WDFY4: variants seen among roughly 807,000 people sequenced by gnomAD.
WDFY4 encodes the protein WD repeat- and FYVE domain-containing protein 4.
A neutral mutation model predicts 351.9 loss-of-function variants in WDFY4; 169 were observed. The ratio of observed to expected loss-of-function variants is 0.48; its 90% CI spans 0.42 to 0.55. The LOEUF is 0.55. WDFY4 is among the 20% of genes least tolerant of loss of function. The pLI, the probability that WDFY4 is intolerant of heterozygous loss-of-function variation, is 0.00. For synonymous variants in WDFY4, 1,622 were observed against 1,574.6 expected (o/e 1.03, Z -0.71); for missense variants, 3,803 against 3,935.6 (o/e 0.97, Z 0.90).
At chr10:48,903,648 A>C (rs573501173) in intron 47 of WDFY4, among the ~76,000 whole-genome samples, 2 of 152,300 alleles carry the variant, frequency 1.3e-5, no homozygotes, top group East Asian at 3.9e-4. Flanking sequence ...TTAAATGAGG[A>C]TGATCAGAGA....
chr10:48,718,930 G>T (rs2063991729), intron 2 of WDFY4, among the ~76,000 whole-genome samples: 1 of 152,184 alleles, frequency 6.6e-6, no homozygotes, highest in Non-Finnish European at 1.5e-5. Flanking sequence ...GGAAAAGTCT[G>T]CAGAAAAAGG....
intron 36 of WDFY4, 98 bp downstream of exon 36, chr10:48,827,007 G>C: frequency 1.0e-6 from 1 of 987,112 alleles, no homozygotes; most frequent in South Asian, 1.7e-5. Flanking sequence ...CTGTATAAAT[G>C]ATATCATCCT....
At chr10:48,863,411 C>T (rs1430718319) in intron 39 of WDFY4, among the ~76,000 whole-genome samples, 5 of 152,034 alleles carry the variant, frequency 3.3e-5, no homozygotes, top group Non-Finnish European at 7.4e-5. Flanking sequence ...TATCATTGAT[C>T]TCATTGTGAG....
chr10:48,870,865 T>C (rs909754395), intron 40 of WDFY4, among the ~76,000 whole-genome samples: 37 of 152,174 alleles, frequency 2.4e-4, no homozygotes, highest in Admixed American at 1.3e-4. Context: ...AGGCAACATG[T>C]GTGCTCTGTG....
At chr10:48,793,627 G>C (rs1421350206) in intron 23 of WDFY4, among the ~76,000 whole-genome samples, 1 of 152,052 alleles carries the variant, frequency 6.6e-6, no homozygotes, top group Non-Finnish European at 1.5e-5. Context: ...CTTCCGTATT[G>C]CCACGTTTGT....
At chr10:48,809,798 T>TCTTCTCTTCACTCCTAGTCCAGTGCTCA (rs1176869796) in intron 28 of WDFY4, among the ~76,000 whole-genome samples, 4 of 152,258 alleles carry the variant, frequency 2.6e-5, no homozygotes, top group African/African-American at 9.6e-5. Context: ...GAGGACAGCC[T>TCTTCTCTTCACTCCTAGTCCAGTGCTCA]CTTCTCTTCA....
intron 43 of WDFY4, among the ~76,000 whole-genome samples, chr10:48,877,593 G>A (rs1487774301): frequency 6.6e-6 from 1 of 152,192 alleles, no homozygotes; most frequent in African/African-American, 2.4e-5. Flanking sequence ...CACCTTGAGG[G>A]GTCTTGGGTG....
intron 2 of WDFY4, among the ~76,000 whole-genome samples, chr10:48,713,696 G>T (rs1397844609): frequency 1.3e-5 from 2 of 152,232 alleles, no homozygotes; most frequent in Admixed American, 6.5e-5. Context: ...CTCACCTAGG[G>T]TTCCTCACTC....
chr10:48,883,495 T>G (rs2070336937), intron 43 of WDFY4, among the ~76,000 whole-genome samples: 1 of 152,250 alleles, frequency 6.6e-6, no homozygotes, highest in African/African-American at 2.4e-5. Context: ...GGACTTCCCG[T>G]AATTCAGATG....
rs1265708617 is a variant in WDFY4, at chr10:48,775,788, G to A, written c.2845G>A (p.Gly949Ser). Reference sequence around the variant, plus strand: ...CCTTGATTCATCTCACACACACAGAGGCAACCCTGGGTGCTCAGGTGAGGA... The same window carrying A: ...CCTTGATTCATCTCACACACACAGAAGCAACCCTGGGTGCTCAGGTGAGGA... Reference protein sequence around the residue: ...KILDSSHTHRGNPGCSGSQTA... With the variant: ...KILDSSHTHRSNPGCSGSQTA... The change falls in exon 15 of 62, where the codon GGC becomes AGC. Residue 949 changes from glycine (G) to serine (S), a missense_variant. Transcript: ENST00000325239. 6.4e-7 allele frequency: 1 copy of A among 1,551,714 alleles called. No individual in the cohort carries two copies.
Position 48,790,632 on chromosome 10 carries a change from A to G in WDFY4, c.4067-95A>G, listed in dbSNP as rs888767464. 2.9e-6 allele frequency: 4 copies of G among 1,383,678 alleles called. No individual in the cohort carries two copies. In the Admixed American group the frequency reaches 8.6e-5, roughly 30 times the overall value. The allele number at this position is 1,383,678 out of a possible 1,614,324, so 85.7% of individuals were successfully genotyped here. On this transcript the variant is annotated intron_variant, in intron 22 of 61. Coordinates refer to ENST00000325239, the MANE Select transcript of WDFY4 (RefSeq NM_001394531.1). ...CCTCTGGCTGTGGATGGATGGTGGC[A>G]CTGGTAGCTCATTGGTCCTCCTGTG...
At chr10:48,795,491 GTA>G (rs60705301) in intron 23 of WDFY4, among the ~76,000 whole-genome samples, 4,650 of 101,030 alleles carry the variant, frequency 0.046, 110 homozygotes, top group South Asian at 0.1. Context: ...GTGTGTGTCT[GTA>G]TATATATATA....
intron 51 of WDFY4, among the ~76,000 whole-genome samples, chr10:48,953,373 A>T (rs1360353776): frequency 7.0e-6 from 1 of 143,332 alleles, no homozygotes; most frequent in Non-Finnish European, 1.5e-5. Context: ...TTGCTTTCAC[A>T]CCAACAGCTA....
At chr10:48,917,055 A>G (rs1454092708) in intron 47 of WDFY4, among the ~76,000 whole-genome samples, 2 of 152,134 alleles carry the variant, frequency 1.3e-5, no homozygotes, top group African/African-American at 2.4e-5. Context: ...ACAATTGCCT[A>G]TAGTGTTTAG....
At chr10:48,823,683 C>T (rs1589694007) in intron 35 of WDFY4, 2 of 999,300 alleles carry the variant, frequency 2.0e-6, no homozygotes. Flanking sequence ...AGCTGCTGAG[C>T]TCCCTATGGC....
At chr10:48,745,838 G>T in intron 12 of WDFY4, 1 of 334,054 alleles carries the variant, frequency 3.0e-6, no homozygotes, top group South Asian at 2.9e-5. Flanking sequence ...ACACCTCGGC[G>T]TCCAAGGCAG....
intron 1 of WDFY4, among the ~76,000 whole-genome samples, chr10:48,708,718 T>G (rs2063696102): frequency 6.6e-6 from 1 of 152,204 alleles, no homozygotes; most frequent in Non-Finnish European, 1.5e-5. Context: ...CCTACTGGCT[T>G]GAGGTTCCCA....
At chr10:48,728,281 G>A (rs2064335643) in intron 7 of WDFY4, among the ~76,000 whole-genome samples, 2 of 152,222 alleles carry the variant, frequency 1.3e-5, no homozygotes. Context: ...GGAAACCCAA[G>A]CTCAGACACC....
intron 12 of WDFY4, among the ~76,000 whole-genome samples, chr10:48,750,633 A>C (rs1589519536): frequency 6.6e-6 from 1 of 152,368 alleles, no homozygotes; most frequent in Non-Finnish European, 1.5e-5. Flanking sequence ...TCAATGATTA[A>C]TTGTGTAATC....
Sources: gnomAD v4.1 joint callset for allele counts (sites outside exome capture counted in the v4.1 genomes callset) on GRCh38, gnomAD v4.1.1 for gene constraint, MANE v1.5 for transcripts, NCBI Gene and HGNC (gene_info 2026-07-23, HGNC 2026-07-21) for gene names.